Variants in ZNF93 observed in about 807,000 individuals in gnomAD.
ZNF93 encodes the protein zinc finger protein 505.
A neutral mutation model predicts 45.0 loss-of-function variants in ZNF93; 29 were observed. That is an observed-to-expected ratio of 0.64 (90% CI 0.48 to 0.88). The LOEUF (loss-of-function observed/expected upper bound fraction) is 0.88. Among genes scored for constraint, ZNF93 ranks in the 40% least tolerant of loss-of-function variants. The pLI is 0.00. For synonymous variants in ZNF93, 223 were observed against 244.6 expected (o/e 0.91, Z 0.82); for missense variants, 578 against 724.0 (o/e 0.80, Z 2.31).
In ZNF93 at chr19:19,916,741, C is replaced by G. The variant is rs112322143; in HGVS notation, c.226+86C>G. 2.6e-5 allele frequency: 25 copies of G among 975,376 alleles called. No homozygotes were observed. The Admixed American group carries it at 6.6e-4, about 26-fold the overall frequency. 60.4% of individuals were successfully genotyped at this position (975,376 alleles called of 1,614,324 possible). The stretch of plus-strand genomic sequence containing the variant: ...GAAAGCCAGTCCTTAAAATGTGATT[C>G]GGGAAGCTGTGTTCCAAAGGAAATA... On this transcript the variant is annotated intron_variant, in intron 3 of 3. Transcript: ENST00000343769.
At chr19:19,927,215 T>A in intron 3 of ZNF93, 1 of 398,500 alleles carries the variant, frequency 2.5e-6, no homozygotes, top group Non-Finnish European at 4.4e-6. Context: ...GGGCAACATA[T>A]GGAGACCCCT....
rs139669851 is a variant in ZNF93 at position 19,908,932 on chromosome 19, A to G, written c.4-6348A>G. 6.7e-3 allele frequency: 1,011 copies of G among 151,336 alleles called. 7 individuals carry two copies. The highest frequency in any genetic ancestry group is 8.9e-3 in the African/African-American group (366 of 41,046). The allele number at this position is 151,336 out of a possible 1,614,324, so 9.4% of individuals were successfully genotyped here. ...TTTGGGTGTCTGTTTCAGAAATCCT[A>G]TTAGTATCCCGTGGTGTCTGAATGA... On this transcript the variant is annotated intron_variant, in intron 1 of 3. Coordinates refer to ENST00000343769, the MANE Select transcript of ZNF93 (RefSeq NM_031218.4).
intron 3 of ZNF93, among the ~76,000 whole-genome samples, chr19:19,918,449 T>A (rs896050714): frequency 2.6e-5 from 4 of 152,192 alleles, no homozygotes; most frequent in African/African-American, 2.4e-5. Flanking sequence ...TGATTTATAA[T>A]CCTTTGGGTA....
chr19:19,901,647 C>G (rs2063271891), intron 1 of ZNF93, among the ~76,000 whole-genome samples: 1 of 152,086 alleles, frequency 6.6e-6, no homozygotes, highest in Non-Finnish European at 1.5e-5. Context: ...CCTACCCCTT[C>G]TTTTTCCCCA....
chr19:19,907,671 C>T (rs979490174), intron 1 of ZNF93: 5 of 151,914 alleles, frequency 3.3e-5, no homozygotes, highest in East Asian at 1.9e-4. Context: ...CTCAGCCTCC[C>T]GAGTAACTGG....
At position 19,934,314 on chromosome 19, in the gene ZNF93, C is replaced by A. The variant is rs576475372; in HGVS notation, c.1359C>A (p.Tyr453Ter). ...HEIIHTGKKP[Y>*]KCEECGKAFN... The stretch of plus-strand genomic sequence containing the variant: ...TCATTCATACTGGAAAGAAACCCTA[C>A]AAGTGTGAAGAATGTGGCAAAGCTT... The change falls in exon 4 of 4, where the codon TAC becomes TAA. Residue 453 changes from tyrosine (Y) to a stop codon, truncating the protein, a stop_gained. Coordinates refer to ENST00000343769, the MANE Select transcript of ZNF93 (RefSeq NM_031218.4). LOFTEE classifies it high-confidence loss of function. The A allele has an allele frequency of 5.0e-6, 8 of 1,613,352 alleles. No homozygotes were observed. The East Asian group carries it at 1.8e-4, about 36-fold the overall frequency.
intron 3 of ZNF93, among the ~76,000 whole-genome samples, chr19:19,926,611 C>T (rs2063356944): frequency 6.6e-6 from 1 of 151,584 alleles, no homozygotes; most frequent in African/African-American, 2.4e-5. Flanking sequence ...CCTCAGCCTC[C>T]CAAAGTGCTA....
chr19:19,902,296 G>C (rs2063275421), intron 1 of ZNF93, among the ~76,000 whole-genome samples: 2 of 151,642 alleles, frequency 1.3e-5, no homozygotes, highest in Admixed American at 1.3e-4. Flanking sequence ...TTTTGCTCTT[G>C]TTGCCCAGGT....
Position 19,933,738 on chromosome 19 carries a change from A to G in ZNF93, c.783A>G (p.Glu261=). Residue 261 remains glutamate (E), a synonymous_variant, in exon 4 of 4, where the codon GAA becomes GAG. Transcript: ENST00000343769. ...GAAAGAAACCCTACAAGTGTGAAGA[A>G]TGTGGCAAAGCTTTTAACCAATCCT... ...HTGKKPYKCE[E]CGKAFNQSST... is the part of the protein sequence containing the mutation. The G allele has an allele frequency of 3.1e-6, 5 of 1,613,262 alleles. No homozygotes were observed. The highest frequency in any genetic ancestry group is 4.2e-6 in the Non-Finnish European group (5 of 1,179,474).
intron 1 of ZNF93, chr19:19,907,656 C>T (rs910375955): frequency 4.6e-5 from 7 of 151,886 alleles, no homozygotes; most frequent in African/African-American, 1.7e-4. Flanking sequence ...AAGTGATTCT[C>T]CTGCCTCAGC....
chr19:19,932,076 C>G (rs915143445), intron 3 of ZNF93: 5 of 297,338 alleles, frequency 1.7e-5, no homozygotes, highest in African/African-American at 4.7e-5. Context: ...GAGATCGAGA[C>G]CATCTGGCCA....
In ZNF93 at chr19:19,933,779, A is replaced by G. The variant is rs1361219429; in HGVS notation, c.824A>G (p.His275Arg). The change falls in exon 4 of 4, where the codon CAT becomes CGT. Residue 275 changes from histidine to arginine, a missense_variant. Physicochemically the swap from His to Arg is conservative, Grantham distance 29. Around this residue, in one of 3 missense-constraint regions of ZNF93, gnomAD observed 446 missense variants for 547.6 expected, o/e 0.81. Coordinates refer to ENST00000343769, the MANE Select transcript of ZNF93 (RefSeq NM_031218.4). ...AFNQSSTLTKHKKIHTGEKPY... is the reference protein window; with the variant it reads ...AFNQSSTLTKRKKIHTGEKPY... ...AACCAATCCTCGACACTTACTAAACATAAGAAAATTCATACTGGAGAGAAA... is the reference window on the plus strand; with the variant it reads ...AACCAATCCTCGACACTTACTAAACGTAAGAAAATTCATACTGGAGAGAAA... 1.2e-6 allele frequency: 2 copies of G among 1,613,074 alleles called. No individual in the cohort carries two copies. The highest frequency in any genetic ancestry group is 2.2e-5 in the South Asian group (2 of 91,036).
intron 1 of ZNF93, among the ~76,000 whole-genome samples, chr19:19,912,177 A>C (rs1031450001): frequency 2.6e-5 from 4 of 152,236 alleles, no homozygotes; most frequent in Non-Finnish European, 4.4e-5. Flanking sequence ...CAGGGCAGTG[A>C]CTAGAAAAGA....
rs1354766913 is a variant in ZNF93, at chr19:19,934,892, CTG to C, written c.*76_*77del. 2 of 1,471,156 alleles carry C rather than the reference CTG, an allele frequency of 1.4e-6. No individual in the cohort carries two copies. The highest frequency in any genetic ancestry group is 1.8e-6 in the Non-Finnish European group (2 of 1,095,174). 91.1% of individuals were successfully genotyped at this position (1,471,156 alleles called of 1,614,324 possible). A position where few individuals can be genotyped will look rare whatever the true frequency, so the allele number is the denominator to read the frequency against. ...ATACACTGAGAGTTCTGAACTTACT[CTG>C]TAACCATCCCAAACTCCTCCCAGGC... is the stretch of plus-strand genomic sequence containing the variant. On this transcript the variant is annotated 3_prime_UTR_variant, in exon 4 of 4. Transcript: ENST00000343769.
In ZNF93 at chr19:19,934,579, T is replaced by C. The variant is rs138547060; in HGVS notation, c.1624T>C (p.Cys542Arg). The C allele has an allele frequency of 6.0e-4, 975 of 1,613,768 alleles. 3 individuals carry two copies. The African/African-American group carries it at 0.011, about 19-fold the overall frequency. ...TREKPYKCEE[C>R]GKAFHLSTHL... The stretch of plus-strand genomic sequence containing the variant: ...AGAGAAACCCTACAAATGTGAAGAA[T>C]GTGGCAAAGCTTTTCACCTATCCAC... The change falls in exon 4 of 4, where the codon TGT (cysteine) becomes CGT (arginine). Residue 542 changes from cysteine (C) to arginine (R), a missense_variant. By Grantham distance (180) the Cys-to-Arg change is radical (BLOSUM62 -3). Around this residue, in one of 3 missense-constraint regions of ZNF93, gnomAD observed 119 missense variants for 123.1 expected, o/e 0.97. Coordinates refer to ENST00000343769, the MANE Select transcript of ZNF93 (RefSeq NM_031218.4).
intron 1 of ZNF93, among the ~76,000 whole-genome samples, chr19:19,904,521 T>G (rs2122159892): frequency 6.6e-6 from 1 of 152,256 alleles, no homozygotes; most frequent in East Asian, 1.9e-4. Context: ...GTGTCTGGCA[T>G]CTGCAGTGAG....
chr19:19,934,207 A>G lies in ZNF93; in HGVS notation c.1252A>G (p.Ser418Gly), dbSNP rs774658820. ...CTCTACCCTTAGTTCACATAAGAGA[A>G]GTCATACTGGAGAGAAACCCTACAA... is the stretch of plus-strand genomic sequence containing the variant. ...YSSTLSSHKR[S>G]HTGEKPYKCE... Residue 418 changes from serine (S) to glycine (G), a missense_variant, in exon 4 of 4, where the codon AGT becomes GGT. Physicochemically the swap from Ser to Gly is moderately conservative, Grantham distance 56. Around this residue, in one of 3 missense-constraint regions of ZNF93, gnomAD observed 446 missense variants for 547.6 expected, o/e 0.81. Transcript: ENST00000343769. The G allele has an allele frequency of 6.2e-7, 1 of 1,612,154 alleles. No individual in the cohort carries two copies. Among genetic ancestry groups the G allele is most frequent in the South Asian group, 1.1e-5 (1 of 91,044 alleles).
In ZNF93 at chr19:19,933,889, C is replaced by T. The variant is rs762830065; in HGVS notation, c.934C>T (p.Pro312Ser). Residue 312 changes from proline (P) to serine (S), a missense_variant, in exon 4 of 4, where the codon CCC becomes TCC. Coordinates refer to ENST00000343769, the MANE Select transcript of ZNF93 (RefSeq NM_031218.4). ...TAAGAAAATTCATACTGGAGAGAAG[C>T]CCTACGTTTGTGAAGAATGTGGCAA... ...KHKKIHTGEK[P>S]YVCEECGKAF... 4 of 1,612,970 alleles carry T rather than the reference C, an allele frequency of 2.5e-6. No homozygotes were observed. The highest frequency in any genetic ancestry group is 3.4e-6 in the Non-Finnish European group (4 of 1,179,812).
At chr19:19,914,731 C>T in intron 1 of ZNF93, 1 of 335,634 alleles carries the variant, frequency 3.0e-6, no homozygotes, top group Non-Finnish European at 5.6e-6. Flanking sequence ...TCTTTGTTTA[C>T]AGGCCACAAA....
Sources: gnomAD v4.1 joint callset for allele counts (sites outside exome capture counted in the v4.1 genomes callset) on GRCh38, gnomAD v4.1.1 for gene constraint, gnomAD v4.1.1 regional missense constraint, MANE v1.5 for transcripts, NCBI Gene and HGNC (gene_info 2026-07-23, HGNC 2026-07-21) for gene names.